NSMCE3: variants seen among roughly 807,000 people sequenced by gnomAD.
The protein encoded by NSMCE3 is non-structural maintenance of chromosomes element 3 homolog.
For synonymous variants in NSMCE3, 214 were observed against 172.2 expected (o/e 1.24, Z -1.90); for missense variants, 452 against 399.5 (o/e 1.13, Z -1.12).
chr15:29,266,033 AG>A lies in NSMCE3; in HGVS notation c.*2757del, dbSNP rs2043470887. ...AGGTCAAATGATCTGTATGACCAAA[AG>A]AAGTGAAAATGTGGGAGAAGGTATT... On this transcript the variant is annotated 3_prime_UTR_variant, in exon 1 of 1. Transcript: ENST00000332303. The A allele has an allele frequency of 6.6e-6, 1 of 152,212 alleles. No homozygotes were observed. Among genetic ancestry groups the A allele is most frequent in the African/African-American group, 2.4e-5 (1 of 41,466 alleles). The allele number at this position is 152,212 out of a possible 1,614,324, so 9.4% of individuals were successfully genotyped here.
At position 29,269,542 on chromosome 15, in the gene NSMCE3, C is replaced by T; in HGVS notation, c.164G>A (p.Gly55Asp). 6.6e-7 allele frequency: 1 copy of T among 1,512,104 alleles called. No homozygotes were observed. Among genetic ancestry groups the T allele is most frequent in the South Asian group, 1.2e-5 (1 of 80,030 alleles). 93.7% of individuals were successfully genotyped at this position (1,512,104 alleles called of 1,614,324 possible). A position where few individuals can be genotyped will look rare whatever the true frequency, so the allele number is the denominator to read the frequency against. ...EEAPSTSRGP[G>D]GSQGSQGPSP... ...GGGGCCCTGCGACCCCTGCGAGCCG[C>T]CCGGCCCGCGGGACGTGCTCGGGGC... Residue 55 changes from glycine to aspartate, a missense_variant, in exon 1 of 1, where the codon GGC becomes GAC. By Grantham distance (94) the Gly-to-Asp change is moderately conservative. Transcript: ENST00000332303.
At position 29,268,767 on chromosome 15, in the gene NSMCE3, C is replaced by CG. The variant is rs746146424; in HGVS notation, c.*23dup. 1 of 1,576,418 alleles carries CG rather than the reference C, an allele frequency of 6.3e-7. No individual in the cohort carries two copies. The highest frequency in any genetic ancestry group is 1.4e-5 in the African/African-American group (1 of 73,654). The stretch of plus-strand genomic sequence containing the variant: ...GCCTTTGGGTCTCAGACCCTTGTCC[C>CG]GGGGGTCCCTCTGAATCCACCTTTC... On this transcript the variant is annotated 3_prime_UTR_variant, in exon 1 of 1. Transcript: ENST00000332303.
Position 29,269,692 on chromosome 15 carries a change from G to A in NSMCE3, c.14C>T (p.Pro5Leu), listed in dbSNP as rs747892810. The A allele has an allele frequency of 6.5e-7, 1 of 1,546,828 alleles. No individual in the cohort carries two copies. The highest frequency in any genetic ancestry group is 2.6e-5 in the East Asian group (1 of 38,128). The change falls in exon 1 of 1, where the codon CCG becomes CTG. Residue 5 changes from proline (P) to leucine (L), a missense_variant. By Grantham distance (98) the Pro-to-Leu change is moderately conservative. Coordinates refer to ENST00000332303, the MANE Select transcript of NSMCE3 (RefSeq NM_138704.4). Reference protein sequence around the residue: MLQKPRNRGRSGGQA... With the variant: MLQKLRNRGRSGGQA... ...GCCGCCAGAGCGGCCCCGGTTCCTCGGTTTTTGCAACATGTCTCCGGCGGC... is the reference window on the plus strand; with the variant it reads ...GCCGCCAGAGCGGCCCCGGTTCCTCAGTTTTTGCAACATGTCTCCGGCGGC...
chr15:29,269,488 G>A lies in NSMCE3; in HGVS notation c.218C>T (p.Ala73Val), dbSNP rs781706454. The A allele has an allele frequency of 1.9e-6, 3 of 1,609,218 alleles. No homozygotes were observed. The highest frequency in any genetic ancestry group is 1.7e-6 in the Non-Finnish European group (2 of 1,178,440). The change falls in exon 1 of 1, where the codon GCC becomes GTC. Residue 73 changes from alanine to valine, a missense_variant. Physicochemically the swap from Ala to Val is moderately conservative, Grantham distance 64. Coordinates refer to ENST00000332303, the MANE Select transcript of NSMCE3 (RefSeq NM_138704.4). ...GCTCCTGGGCCCCACGGCGGGGGCG[G>A]CCTGGGCCCGGCGGGCGCCCTGAGG... is the stretch of plus-strand genomic sequence containing the variant. Reference protein sequence around the residue: ...PSPQGARRAQAAPAVGPRSQK... With the variant: ...PSPQGARRAQVAPAVGPRSQK...
In NSMCE3 at chr15:29,268,557, T is replaced by C; in HGVS notation, c.*234A>G. 2.2e-6 allele frequency: 1 copy of C among 451,732 alleles called. No individual in the cohort carries two copies. 28.0% of individuals were successfully genotyped at this position (451,732 alleles called of 1,614,324 possible). A position where few individuals can be genotyped will look rare whatever the true frequency, so the allele number is the denominator to read the frequency against. The stretch of plus-strand genomic sequence containing the variant: ...TCGTTTTACTAAGCTAGCAAAATTT[T>C]TTATACCAAAAAGAGTAAAATCAAA... On this transcript the variant is annotated 3_prime_UTR_variant, in exon 1 of 1. Transcript: ENST00000332303.
rs1284443124 is a variant in NSMCE3 at position 29,268,612 on chromosome 15, T to C, written c.*179A>G. The C allele has an allele frequency of 1.9e-6, 1 of 535,104 alleles. No individual in the cohort carries two copies. 33.1% of individuals were successfully genotyped at this position (535,104 alleles called of 1,614,324 possible). A position where few individuals can be genotyped will look rare whatever the true frequency, so the allele number is the denominator to read the frequency against. On this transcript the variant is annotated 3_prime_UTR_variant, in exon 1 of 1. Transcript: ENST00000332303. Reference sequence around the variant, plus strand: ...ATGCTCCTTTGTTTATAGATGAAAATCTGGAGCAAAATAACACAACATTAA... The same window carrying C: ...ATGCTCCTTTGTTTATAGATGAAAACCTGGAGCAAAATAACACAACATTAA...
In NSMCE3 at chr15:29,267,415, T is replaced by C. The variant is rs2043503630; in HGVS notation, c.*1376A>G. On this transcript the variant is annotated 3_prime_UTR_variant, in exon 1 of 1. Transcript: ENST00000332303. ...TCATTTAGTGCATAAAACTATTATA[T>C]AGCTATTATTTTTCTCATTTTACAG... is the stretch of plus-strand genomic sequence containing the variant. The C allele has an allele frequency of 1.3e-5, 2 of 152,204 alleles. No homozygotes were observed. 9.4% of individuals were successfully genotyped at this position (152,204 alleles called of 1,614,324 possible).
At position 29,269,024 on chromosome 15, in the gene NSMCE3, CA is replaced by C; in HGVS notation, c.681del (p.Phe227LeufsTer35). On this transcript the variant is annotated frameshift_variant, in exon 1 of 1. Transcript: ENST00000332303. LOFTEE classifies it low-confidence loss of function (END_TRUNC). ...GDPKKLITED[F>X]VRQRYLEYRR... ...CGGTATTCCAGGTAACGCTGTCGCA[CA>C]AAGTCCTCAGTAATGAGTTTCTTTG... The C allele has an allele frequency of 6.2e-7, 1 of 1,614,140 alleles. No homozygotes were observed. Among genetic ancestry groups the C allele is most frequent in the Non-Finnish European group, 8.5e-7 (1 of 1,180,036 alleles).
In NSMCE3 at chr15:29,268,515, T is replaced by C. The variant is rs2043530825; in HGVS notation, c.*276A>G. The C allele has an allele frequency of 2.4e-6, 1 of 410,568 alleles. No homozygotes were observed. The highest frequency in any genetic ancestry group is 3.7e-5 in the East Asian group (1 of 27,370). 25.4% of individuals were successfully genotyped at this position (410,568 alleles called of 1,614,324 possible). A position where few individuals can be genotyped will look rare whatever the true frequency, so the allele number is the denominator to read the frequency against. ...TTCTTGCATTATCTGTTCCAGATCATAGTCAAGTTTTCCAATTCGTTTTAC... is the reference window on the plus strand; with the variant it reads ...TTCTTGCATTATCTGTTCCAGATCACAGTCAAGTTTTCCAATTCGTTTTAC... On this transcript the variant is annotated 3_prime_UTR_variant, in exon 1 of 1. Coordinates refer to ENST00000332303, the MANE Select transcript of NSMCE3 (RefSeq NM_138704.4).
Position 29,268,805 on chromosome 15 carries a change from C to G in NSMCE3, c.901G>C (p.Ala301Pro), listed in dbSNP as rs2043538615. The G allele has an allele frequency of 1.9e-6, 3 of 1,609,446 alleles. No homozygotes were observed. The highest frequency in any genetic ancestry group is 2.2e-5 in the South Asian group (2 of 90,800). Reference sequence around the variant, plus strand: ...GAATCCACCTTTCAAGAGGATGGAGCTGGGCCACTAGGCTGAGGTCTGGCC... The same window carrying G: ...GAATCCACCTTTCAAGAGGATGGAGGTGGGCCACTAGGCTGAGGTCTGGCC... ...NRARPQPSGPAPSS is the reference protein window; with the variant it reads ...NRARPQPSGPPPSS The change falls in exon 1 of 1, where the codon GCT becomes CCT. Residue 301 changes from alanine (A) to proline (P), a missense_variant. Coordinates refer to ENST00000332303, the MANE Select transcript of NSMCE3 (RefSeq NM_138704.4).
In NSMCE3 at chr15:29,269,161, A is replaced by T; in HGVS notation, c.545T>A (p.Val182Asp). 6 of 1,613,924 alleles carry T rather than the reference A, an allele frequency of 3.7e-6. No homozygotes were observed. The highest frequency in any genetic ancestry group is 5.1e-6 in the Non-Finnish European group (6 of 1,179,978). ...GTPTTGLLMI[V>D]LGLIFMKGNT... is the part of the protein sequence containing the mutation. ...GCCCTTCATAAAGATGAGCCCTAAG[A>T]CGATCATCAGGAGGCCCGTAGTGGG... The change falls in exon 1 of 1, where the codon GTC becomes GAC. Residue 182 changes from valine (V) to aspartate (D), a missense_variant. Transcript: ENST00000332303.
In NSMCE3 at chr15:29,268,780, G is replaced by A. The variant is rs749804201; in HGVS notation, c.*11C>T. ...AGACCCTTGTCCCGGGGGTCCCTCTGAATCCACCTTTCAAGAGGATGGAGC... is the reference window on the plus strand; with the variant it reads ...AGACCCTTGTCCCGGGGGTCCCTCTAAATCCACCTTTCAAGAGGATGGAGC... On this transcript the variant is annotated 3_prime_UTR_variant, in exon 1 of 1. Coordinates refer to ENST00000332303, the MANE Select transcript of NSMCE3 (RefSeq NM_138704.4). 19 of 1,591,926 alleles carry A rather than the reference G, an allele frequency of 1.2e-5. No homozygotes were observed. The highest frequency in any genetic ancestry group is 1.4e-5 in the Non-Finnish European group (16 of 1,168,098).
Position 29,266,963 on chromosome 15 carries a change from G to A in NSMCE3, c.*1828C>T, listed in dbSNP as rs960622611. On this transcript the variant is annotated 3_prime_UTR_variant, in exon 1 of 1. Coordinates refer to ENST00000332303, the MANE Select transcript of NSMCE3 (RefSeq NM_138704.4). Reference sequence around the variant, plus strand: ...ATTTTTATTATACAGGTGAGAATGCGAGTATCAGAGGGCATGAGGAGGAGA... The same window carrying A: ...ATTTTTATTATACAGGTGAGAATGCAAGTATCAGAGGGCATGAGGAGGAGA... The A allele has an allele frequency of 6.6e-6, 1 of 152,218 alleles. No individual in the cohort carries two copies. The highest frequency in any genetic ancestry group is 1.5e-5 in the Non-Finnish European group (1 of 68,040). The allele number at this position is 152,218 out of a possible 1,614,324, so 9.4% of individuals were successfully genotyped here. A position where few individuals can be genotyped will look rare whatever the true frequency, so the allele number is the denominator to read the frequency against.
rs1021492088 is a variant in NSMCE3 at position 29,268,095 on chromosome 15, G to A, written c.*696C>T. ...TATGTAGCAAAAACTTTAAGATGTTGATTTCCAGTCATGAAATTCTCTCAT... is the reference window on the plus strand; with the variant it reads ...TATGTAGCAAAAACTTTAAGATGTTAATTTCCAGTCATGAAATTCTCTCAT... On this transcript the variant is annotated 3_prime_UTR_variant, in exon 1 of 1. Transcript: ENST00000332303. 1.3e-5 allele frequency: 2 copies of A among 152,218 alleles called. No homozygotes were observed. Among genetic ancestry groups the A allele is most frequent in the East Asian group, 3.9e-4 (2 of 5,180 alleles). The allele number at this position is 152,218 out of a possible 1,614,324, so 9.4% of individuals were successfully genotyped here. A position where few individuals can be genotyped will look rare whatever the true frequency, so the allele number is the denominator to read the frequency against.
Position 29,268,958 on chromosome 15 carries a change from A to C in NSMCE3, c.748T>G (p.Trp250Gly), listed in dbSNP as rs1196023535. The change falls in exon 1 of 1, where the codon TGG becomes GGG. Residue 250 changes from tryptophan to glycine, a missense_variant. Coordinates refer to ENST00000332303, the MANE Select transcript of NSMCE3 (RefSeq NM_138704.4). ...HTDPVDYEFQWGPRTNLETSK... is the reference protein window; with the variant it reads ...HTDPVDYEFQGGPRTNLETSK... ...GTTTCCAGGTTGGTTCGCGGGCCCCACTGGAATTCGTAGTCGACGGGGTCG... is the reference window on the plus strand; with the variant it reads ...GTTTCCAGGTTGGTTCGCGGGCCCCCCTGGAATTCGTAGTCGACGGGGTCG... 1.9e-6 allele frequency: 3 copies of C among 1,614,160 alleles called. No homozygotes were observed. The highest frequency in any genetic ancestry group is 2.5e-6 in the Non-Finnish European group (3 of 1,180,034).
rs1401301689 is a variant in NSMCE3 at position 29,268,988 on chromosome 15, G to A, written c.718C>T (p.His240Tyr). 2 of 1,614,132 alleles carry A rather than the reference G, an allele frequency of 1.2e-6. No homozygotes were observed. Among genetic ancestry groups the A allele is most frequent in the South Asian group, 1.1e-5 (1 of 91,070 alleles). Residue 240 changes from histidine (H) to tyrosine (Y), a missense_variant, in exon 1 of 1, where the codon CAC becomes TAC. By Grantham distance (83) the His-to-Tyr change is moderately conservative (BLOSUM62 2). Coordinates refer to ENST00000332303, the MANE Select transcript of NSMCE3 (RefSeq NM_138704.4). The stretch of plus-strand genomic sequence containing the variant: ...AATTCGTAGTCGACGGGGTCGGTGT[G>A]GGGTATCCGCCGGTATTCCAGGTAA... ...QRYLEYRRIP[H>Y]TDPVDYEFQW...
Position 29,265,737 on chromosome 15 carries a change from T to C in NSMCE3, c.*3054A>G, listed in dbSNP as rs1046955511. The C allele has an allele frequency of 1.3e-5, 2 of 152,230 alleles. No individual in the cohort carries two copies. The highest frequency in any genetic ancestry group is 2.9e-5 in the Non-Finnish European group (2 of 68,038). The allele number at this position is 152,230 out of a possible 1,614,324, so 9.4% of individuals were successfully genotyped here. Reference sequence around the variant, plus strand: ...AATTTATCTATACATGGGACATTGCTACAAAATACTGAGTGTCATAAATCA... The same window carrying C: ...AATTTATCTATACATGGGACATTGCCACAAAATACTGAGTGTCATAAATCA... On this transcript the variant is annotated 3_prime_UTR_variant, in exon 1 of 1. Coordinates refer to ENST00000332303, the MANE Select transcript of NSMCE3 (RefSeq NM_138704.4).
In NSMCE3 at chr15:29,266,908, G is replaced by C. The variant is rs1209406595; in HGVS notation, c.*1883C>G. On this transcript the variant is annotated 3_prime_UTR_variant, in exon 1 of 1. Coordinates refer to ENST00000332303, the MANE Select transcript of NSMCE3 (RefSeq NM_138704.4). ...GAAAAGCGGGGGGAATTTTGCCTCA[G>C]ATATAACTGGTGGTGACTGCTGGGT... 1 of 152,162 alleles carries C rather than the reference G, an allele frequency of 6.6e-6. No homozygotes were observed. The highest frequency in any genetic ancestry group is 6.5e-5 in the Admixed American group (1 of 15,282). 9.4% of individuals were successfully genotyped at this position (152,162 alleles called of 1,614,324 possible).
chr15:29,268,900 T>C lies in NSMCE3; in HGVS notation c.806A>G (p.Lys269Arg). ...GTCCTTGGGGTCTTGATTATGGACC[T>C]TGGCCACAAACTTAAGAACTTTCAT... is the stretch of plus-strand genomic sequence containing the variant. Reference protein sequence around the residue: ...SKMKVLKFVAKVHNQDPKDWP... With the variant: ...SKMKVLKFVARVHNQDPKDWP... The change falls in exon 1 of 1, where the codon AAG becomes AGG. Residue 269 changes from lysine to arginine, a missense_variant. Coordinates refer to ENST00000332303, the MANE Select transcript of NSMCE3 (RefSeq NM_138704.4). 6.2e-7 allele frequency: 1 copy of C among 1,614,204 alleles called. No individual in the cohort carries two copies. Among genetic ancestry groups the C allele is most frequent in the Admixed American group, 1.7e-5 (1 of 60,030 alleles).
Sources: allele counts gnomAD v4.1 joint callset, GRCh38; gene constraint gnomAD v4.1.1; transcripts MANE v1.5; gene names NCBI Gene and HGNC (gene_info 2026-07-23, HGNC 2026-07-21).